The following EFCAB11 variants were observed in gnomAD, a reference collection of about 807,000 sequenced individuals.
The protein encoded by EFCAB11 is EF-hand calcium binding domain 11.
Under a neutral mutation model 23.0 loss-of-function variants are expected in EFCAB11, and 14 were observed. That is an observed-to-expected ratio of 0.61 (90% CI 0.40 to 0.95). EFCAB11 has a LOEUF of 0.95. Among genes scored for constraint, EFCAB11 ranks in the 40% least tolerant of loss-of-function variants. EFCAB11 has a pLI of 0.00. For missense variants in EFCAB11, 198 were observed against 195.8 expected, an observed-to-expected ratio of 1.01 and a Z score of -0.07; for synonymous variants, 65 against 66.6, an observed-to-expected ratio of 0.98 and a Z score of 0.11.
chr14:89,831,740 C>G (rs1474354887), intron 5 of EFCAB11, among the ~76,000 whole-genome samples: 1 of 152,134 alleles, frequency 6.6e-6, no homozygotes, highest in Admixed American at 6.5e-5. Context: ...GCATGTATTA[C>G]AAGTTAGTAC....
At chr14:89,892,776 C>A (rs935587156) in intron 5 of EFCAB11, among the ~76,000 whole-genome samples, 2 of 152,048 alleles carry the variant, frequency 1.3e-5, no homozygotes, top group Non-Finnish European at 2.9e-5. Flanking sequence ...GTGGTGCATG[C>A]CTGTAATCCC....
At chr14:89,823,997 G>A (rs1270652445) in intron 5 of EFCAB11, among the ~76,000 whole-genome samples, 2 of 151,936 alleles carry the variant, frequency 1.3e-5, no homozygotes, top group Non-Finnish European at 2.9e-5. Context: ...GAAGGTTGAG[G>A]AAGAAGAAAA....
chr14:89,887,656 A>C (rs1391678848), intron 5 of EFCAB11, among the ~76,000 whole-genome samples: 1 of 152,240 alleles, frequency 6.6e-6, no homozygotes, highest in East Asian at 1.9e-4. Context: ...AAACCAGTAA[A>C]AGTCAACCTT....
intron 5 of EFCAB11, among the ~76,000 whole-genome samples, chr14:89,894,534 GAA>G (rs1596438231): frequency 1.4e-5 from 2 of 146,690 alleles, no homozygotes; most frequent in East Asian, 2.0e-4. Flanking sequence ...GACCAGATAA[GAA>G]ATTCTTTAAT....
chr14:89,868,035 T>A (rs1270412417), intron 5 of EFCAB11, among the ~76,000 whole-genome samples: 1 of 152,214 alleles, frequency 6.6e-6, no homozygotes, highest in Non-Finnish European at 1.5e-5. Context: ...ATTCATTACA[T>A]TGTTGGGCGC....
chr14:89,892,435 C>A, intron 5 of EFCAB11: 2 of 1,561,344 alleles, frequency 1.3e-6, no homozygotes, highest in Non-Finnish European at 1.7e-6. Context: ...CAGGCCCATG[C>A]CAGTGTTGAC....
chr14:89,800,726 G>C (rs570052487), intron 5 of EFCAB11, among the ~76,000 whole-genome samples: 2 of 152,280 alleles, frequency 1.3e-5, no homozygotes, highest in East Asian at 1.9e-4. Flanking sequence ...ACCTGGAATT[G>C]ATTTTGGGAG....
At chr14:89,827,033 C>G (rs758503477) in intron 5 of EFCAB11, among the ~76,000 whole-genome samples, 8 of 152,118 alleles carry the variant, frequency 5.3e-5, no homozygotes, top group Non-Finnish European at 1.0e-4. Context: ...GTTAGAAAAT[C>G]AGAAACCACA....
intron 5 of EFCAB11, among the ~76,000 whole-genome samples, chr14:89,914,579 G>C (rs1200031819): frequency 6.6e-6 from 1 of 152,204 alleles, no homozygotes; most frequent in Non-Finnish European, 1.5e-5. Flanking sequence ...GAGGCCAGGA[G>C]TTGGAGACTA....
chr14:89,820,679 T>C (rs752908133), intron 5 of EFCAB11, among the ~76,000 whole-genome samples: 8 of 152,122 alleles, frequency 5.3e-5, no homozygotes, highest in Non-Finnish European at 1.0e-4. Context: ...TAAACATTAT[T>C]TCCTTATTCC....
chr14:89,825,081 TACCAAGATAGATGCTGGG>T (rs1886644314), intron 5 of EFCAB11, among the ~76,000 whole-genome samples: 1 of 136,804 alleles, frequency 7.3e-6, no homozygotes, highest in Non-Finnish European at 1.5e-5. Context: ...ATGGAACATT[TACCAAGATAGATGCTGGG>T]ACCAAAAAAA....
At chr14:89,895,225 G>C (rs1889117998) in intron 5 of EFCAB11, among the ~76,000 whole-genome samples, 1 of 152,136 alleles carries the variant, frequency 6.6e-6, no homozygotes, top group Admixed American at 6.5e-5. Context: ...AGAATTTTCT[G>C]AAATATCCAA....
chr14:89,861,621 A>G (rs916065963), intron 5 of EFCAB11, among the ~76,000 whole-genome samples: 1 of 152,150 alleles, frequency 6.6e-6, no homozygotes, highest in Non-Finnish European at 1.5e-5. Flanking sequence ...CATGTGTTGG[A>G]AACTTAATCC....
At chr14:89,872,215 A>G (rs1888295787) in intron 5 of EFCAB11, among the ~76,000 whole-genome samples, 6 of 152,186 alleles carry the variant, frequency 3.9e-5, no homozygotes. Flanking sequence ...CATTTGTTCT[A>G]TTGCTATTTG....
chr14:89,862,311 C>T (rs925678289), intron 5 of EFCAB11, among the ~76,000 whole-genome samples: 6 of 151,646 alleles, frequency 4.0e-5, no homozygotes, highest in Non-Finnish European at 8.8e-5. Context: ...ATACTAAAAG[C>T]ATTTTTTTTT....
At chr14:89,915,595 C>T (rs1004229414) in intron 5 of EFCAB11, among the ~76,000 whole-genome samples, 3 of 152,240 alleles carry the variant, frequency 2.0e-5, no homozygotes, top group East Asian at 3.9e-4. Flanking sequence ...ATTAGAAATG[C>T]ATTTCTTTGT....
intron 3 of EFCAB11, among the ~76,000 whole-genome samples, chr14:89,947,975 G>A (rs1295422506): frequency 6.6e-6 from 1 of 151,244 alleles, no homozygotes; most frequent in Non-Finnish European, 1.5e-5. Flanking sequence ...TCACCCCCAG[G>A]TATTGCCTGC....
intron 5 of EFCAB11, among the ~76,000 whole-genome samples, chr14:89,904,085 G>T (rs1188112435): frequency 3.3e-5 from 5 of 151,768 alleles, no homozygotes; most frequent in Non-Finnish European, 7.4e-5. Flanking sequence ...CCATCAACTC[G>T]TCATTTACAT....
intron 5 of EFCAB11, among the ~76,000 whole-genome samples, chr14:89,866,970 C>T (rs560600897): frequency 5.9e-5 from 9 of 152,222 alleles, no homozygotes; most frequent in African/African-American, 2.2e-4. Flanking sequence ...AGGGTTTCAC[C>T]GTATTGGCCA....
Sources: allele counts gnomAD v4.1 joint callset (sites outside exome capture counted in the v4.1 genomes callset), GRCh38; gene constraint gnomAD v4.1.1; transcripts MANE v1.5; gene names NCBI Gene and HGNC (gene_info 2026-07-23, HGNC 2026-07-21).